The following RCAN2 variants were observed in gnomAD, a reference collection of about 807,000 sequenced individuals.
RCAN2 encodes the protein regulator of calcineurin 2, also known as calcipressin-2.
In RCAN2, 9 loss-of-function variants were observed where a neutral mutation model predicts 23.6. The ratio of observed to expected loss-of-function variants is 0.38; its 90% CI spans 0.23 to 0.67. RCAN2 has a LOEUF of 0.67. RCAN2 is among the 30% of genes least tolerant of loss of function. The pLI is 0.51. For synonymous variants in RCAN2, 109 were observed against 115.7 expected, an observed-to-expected ratio of 0.94 and a Z score of 0.37; for missense variants, 273 against 302.3, an observed-to-expected ratio of 0.90 and a Z score of 0.72.
intron 2 of RCAN2, chr6:46,325,527 G>T: frequency 6.2e-7 from 1 of 1,610,706 alleles, no homozygotes; most frequent in Non-Finnish European, 8.5e-7. Context: ...TCAGAGTTGG[G>T]AGTGAAGGGA....
intron 2 of RCAN2, among the ~76,000 whole-genome samples, chr6:46,429,341 G>A (rs911750723): frequency 3.3e-5 from 5 of 152,082 alleles, no homozygotes; most frequent in African/African-American, 1.2e-4. Context: ...CAAAAGATAC[G>A]GGTTCCAGTC....
intron 1 of RCAN2, among the ~76,000 whole-genome samples, chr6:46,463,027 A>G (rs1022897269): frequency 6.6e-6 from 1 of 152,198 alleles, no homozygotes; most frequent in Non-Finnish European, 1.5e-5. Context: ...ATTCATGGAG[A>G]TGCTTATAAT....
intron 2 of RCAN2, among the ~76,000 whole-genome samples, chr6:46,411,591 G>A (rs1302879569): frequency 6.6e-6 from 1 of 152,070 alleles, no homozygotes; most frequent in East Asian, 1.9e-4. Flanking sequence ...GGAGGTTTTG[G>A]GAGACAGAAA....
intron 2 of RCAN2, among the ~76,000 whole-genome samples, chr6:46,412,636 A>AAGT (rs1766579983): frequency 6.6e-6 from 1 of 152,208 alleles, no homozygotes; most frequent in South Asian, 2.1e-4. Context: ...TTTGAGAAGG[A>AAGT]AGTAGTGGTC....
At chr6:46,415,104 T>G (rs1766667660) in intron 2 of RCAN2, among the ~76,000 whole-genome samples, 1 of 152,146 alleles carries the variant, frequency 6.6e-6, no homozygotes, top group African/African-American at 2.4e-5. Context: ...AGAAAGGTTT[T>G]GGAGCAGAAG....
chr6:46,381,999 A>G (rs1418659267), intron 2 of RCAN2, among the ~76,000 whole-genome samples: 1 of 152,158 alleles, frequency 6.6e-6, no homozygotes. Flanking sequence ...CTGCCTGGAA[A>G]TAGAAAAACT....
At chr6:46,389,915 TAAG>T (rs1467808927) in intron 2 of RCAN2, among the ~76,000 whole-genome samples, 1 of 151,490 alleles carries the variant, frequency 6.6e-6, no homozygotes, top group Non-Finnish European at 1.5e-5. Flanking sequence ...TTCTATTCTG[TAAG>T]AAGAAGTAAT....
Position 46,248,826 on chromosome 6 carries a change from C to A in RCAN2, c.296G>T (p.Arg99Leu). The change falls in exon 3 of 5, where the codon CGT becomes CTT. Residue 99 changes from arginine to leucine, a missense_variant. Arg to Leu is a moderately radical substitution (Grantham distance 102). Coordinates refer to ENST00000371374, the MANE Select transcript of RCAN2 (RefSeq NM_001251974.2). ...VTFQLFKSFRRVRINFSNPKS... is the reference protein window; with the variant it reads ...VTFQLFKSFRLVRINFSNPKS... The stretch of plus-strand genomic sequence containing the variant: ...AGGATTGCTGAAGTTTATACGGACA[C>A]GTCTGAAACTCTTAAATAGCTGGAA... The A allele has an allele frequency of 6.2e-7, 1 of 1,613,044 alleles. No homozygotes were observed.
intron 2 of RCAN2, among the ~76,000 whole-genome samples, chr6:46,299,003 A>G (rs752573780): frequency 4.6e-5 from 7 of 152,082 alleles, no homozygotes; most frequent in Non-Finnish European, 7.4e-5. Flanking sequence ...AACTCATATA[A>G]GAATAGAAAA....
chr6:46,245,544 A>G (rs889698723), intron 4 of RCAN2, among the ~76,000 whole-genome samples: 3 of 152,196 alleles, frequency 2.0e-5, no homozygotes, highest in African/African-American at 7.2e-5. Context: ...TACAAGGATC[A>G]ACAGATGTGA....
intron 2 of RCAN2, among the ~76,000 whole-genome samples, chr6:46,386,287 T>C (rs1224470326): frequency 6.6e-6 from 1 of 151,826 alleles, no homozygotes. Flanking sequence ...TCACTGATCA[T>C]TAGAGAAATG....
At chr6:46,289,253 C>G (rs1377537113) in intron 2 of RCAN2, among the ~76,000 whole-genome samples, 2 of 152,208 alleles carry the variant, frequency 1.3e-5, no homozygotes, top group African/African-American at 4.8e-5. Flanking sequence ...CCCCCCAGGC[C>G]TGGGTCTCTG....
chr6:46,244,360 C>G (rs1050305936), intron 4 of RCAN2, among the ~76,000 whole-genome samples: 6 of 152,044 alleles, frequency 3.9e-5, no homozygotes, highest in African/African-American at 1.5e-4. Context: ...AGCGTCCCTT[C>G]CGGGGCCTAA....
chr6:46,404,089 G>A (rs1199814860), intron 2 of RCAN2, among the ~76,000 whole-genome samples: 1 of 152,146 alleles, frequency 6.6e-6, no homozygotes, highest in Non-Finnish European at 1.5e-5. Context: ...AGGTGTGGTG[G>A]TGCGTGCCTG....
chr6:46,342,093 T>A (rs1582123658), intron 2 of RCAN2, among the ~76,000 whole-genome samples: 2 of 152,312 alleles, frequency 1.3e-5, no homozygotes, highest in South Asian at 4.1e-4. Context: ...GACTGAGATA[T>A]GTCTTTTGAG....
chr6:46,412,310 T>A (rs1300232963), intron 2 of RCAN2, among the ~76,000 whole-genome samples: 2 of 152,190 alleles, frequency 1.3e-5, no homozygotes. Context: ...GTCTGTTTTG[T>A]CCTTATTAAG....
intron 2 of RCAN2, among the ~76,000 whole-genome samples, chr6:46,428,124 G>A (rs1767085377): frequency 6.6e-6 from 1 of 152,204 alleles, no homozygotes; most frequent in African/African-American, 2.4e-5. Context: ...GCTACAGGAT[G>A]AATCTGTTAG....
At chr6:46,484,282 G>C (rs892314392) in intron 1 of RCAN2, among the ~76,000 whole-genome samples, 5 of 152,080 alleles carry the variant, frequency 3.3e-5, no homozygotes, top group Non-Finnish European at 7.4e-5. Context: ...AATTTGAATA[G>C]TCATCAAATT....
intron 2 of RCAN2, among the ~76,000 whole-genome samples, chr6:46,403,941 GC>G (rs1459972500): frequency 6.6e-6 from 1 of 152,120 alleles, no homozygotes; most frequent in African/African-American, 2.4e-5. Context: ...TGATTTGGAG[GC>G]CAGGTGCGCT....
Sources: gnomAD v4.1 joint callset for allele counts (sites outside exome capture counted in the v4.1 genomes callset) on GRCh38, gnomAD v4.1.1 for gene constraint, MANE v1.5 for transcripts, NCBI Gene and HGNC (gene_info 2026-07-23, HGNC 2026-07-21) for gene names.